LPGAT1: variants seen among roughly 807,000 people sequenced by gnomAD.
The protein encoded by LPGAT1 is lysophosphatidylglycerol acyltransferase 1.
LPGAT1 carries 11 observed loss-of-function variants against 47.5 expected under a neutral mutation model. The observed-to-expected ratio is 0.23, with a 90% CI of 0.15 to 0.38. LPGAT1 has a LOEUF of 0.38. Among genes scored for constraint, LPGAT1 ranks in the 10% least tolerant of loss-of-function variants. LPGAT1 has a pLI of 1.00. For missense variants in LPGAT1, 293 were observed against 439.0 expected, an observed-to-expected ratio of 0.67 and a Z score of 2.97; for synonymous variants, 138 against 144.2, an observed-to-expected ratio of 0.96 and a Z score of 0.31.
At position 211,786,237 on chromosome 1, in the gene LPGAT1, C is replaced by T. The variant is rs544297420; in HGVS notation, c.453+1395G>A. On this transcript the variant is annotated intron_variant, in intron 4 of 7. Transcript: ENST00000366997. ...AAATGAAATGATATAATGTCCAGTACATAAAACTGTCTGGAGTAAAGTACA... is the reference window on the plus strand; with the variant it reads ...AAATGAAATGATATAATGTCCAGTATATAAAACTGTCTGGAGTAAAGTACA... Among the ~76,000 whole-genome samples the T allele has an allele frequency of 1.7e-3, 255 of 152,316 alleles. 1 individual carries two copies. The highest frequency in any genetic ancestry group is 5.8e-3 in the African/African-American group (240 of 41,562).
At chr1:211,766,653 T>A (rs1215808207) in intron 6 of LPGAT1, among the ~76,000 whole-genome samples, 1 of 152,100 alleles carries the variant, frequency 6.6e-6, no homozygotes, top group Non-Finnish European at 1.5e-5. Flanking sequence ...CACTGTGGAG[T>A]ATTGGTTGTT....
chr1:211,762,721 TTAAA>T (rs1268748434), intron 6 of LPGAT1, among the ~76,000 whole-genome samples: 3 of 152,194 alleles, frequency 2.0e-5, no homozygotes, highest in Non-Finnish European at 4.4e-5. Flanking sequence ...GAATGTGCTC[TTAAA>T]TAGAGAATAT....
intron 6 of LPGAT1, among the ~76,000 whole-genome samples, chr1:211,761,543 C>CAG (rs1331385120): frequency 6.6e-6 from 1 of 152,134 alleles, no homozygotes; most frequent in Non-Finnish European, 1.5e-5. Context: ...GAAACCAACA[C>CAG]AGAGGAAAGC....
At chr1:211,787,608 G>A (rs753733283) in intron 4 of LPGAT1, 24 bp downstream of exon 4, 28 of 1,295,950 alleles carry the variant, frequency 2.2e-5, no homozygotes, top group Non-Finnish European at 3.0e-5. Context: ...CTATCACTGC[G>A]GGGAAAAAGT....
intron 2 of LPGAT1, among the ~76,000 whole-genome samples, chr1:211,820,749 A>C (rs1221518738): frequency 6.6e-6 from 1 of 152,196 alleles, no homozygotes; most frequent in Non-Finnish European, 1.5e-5. Context: ...AGGTCTCCAA[A>C]AAGGAAAACC....
intron 6 of LPGAT1, among the ~76,000 whole-genome samples, chr1:211,757,202 C>T (rs953554016): frequency 2.0e-5 from 3 of 150,570 alleles, no homozygotes; most frequent in Non-Finnish European, 4.4e-5. Flanking sequence ...TGCAGTGAGC[C>T]GAGATCGTAC....
At chr1:211,808,217 T>C (rs1397424797) in intron 2 of LPGAT1, among the ~76,000 whole-genome samples, 4 of 151,868 alleles carry the variant, frequency 2.6e-5, no homozygotes, top group African/African-American at 9.7e-5. Context: ...TGGTGGCACA[T>C]GCCTGTAATC....
chr1:211,814,962 G>A (rs550553015), intron 2 of LPGAT1, among the ~76,000 whole-genome samples: 1 of 152,254 alleles, frequency 6.6e-6, no homozygotes, highest in East Asian at 1.9e-4. Context: ...GAAACACTGT[G>A]GACTTCTGTG....
intron 6 of LPGAT1, among the ~76,000 whole-genome samples, chr1:211,751,445 G>A (rs1657178857): frequency 6.6e-6 from 1 of 152,196 alleles, no homozygotes; most frequent in African/African-American, 2.4e-5. Context: ...AAATCAGGAT[G>A]TTCAGTCATT....
At chr1:211,788,402 G>T (rs928354621) in intron 3 of LPGAT1, among the ~76,000 whole-genome samples, 7 of 152,120 alleles carry the variant, frequency 4.6e-5, no homozygotes, top group African/African-American at 1.7e-4. Context: ...AAAACTACAG[G>T]CCAGGCACAG....
intron 2 of LPGAT1, among the ~76,000 whole-genome samples, chr1:211,811,414 T>C (rs996439062): frequency 6.6e-6 from 1 of 152,176 alleles, no homozygotes; most frequent in Non-Finnish European, 1.5e-5. Flanking sequence ...AATGAAGAGC[T>C]GTCGGGAATG....
At chr1:211,829,028 A>T (rs1454893173) in intron 2 of LPGAT1, 31 bp downstream of exon 2, 1 of 1,601,584 alleles carries the variant, frequency 6.2e-7, no homozygotes. Flanking sequence ...ATTTTTTCTT[A>T]TGCATTAAAG....
In LPGAT1 at chr1:211,746,545, TA is replaced by T. The variant is rs1443674717; in HGVS notation, c.*3353del. 6.6e-6 allele frequency: 1 copy of T among 152,206 alleles called. No individual in the cohort carries two copies. The highest frequency in any genetic ancestry group is 1.5e-5 in the Non-Finnish European group (1 of 68,014). 9.4% of individuals were successfully genotyped at this position (152,206 alleles called of 1,614,324 possible). ...TGATGAGAGTAAGAATTCAAACTCCTAAATAAAAGTAATTTTTGATTTACCT... is the reference window on the plus strand; with the variant it reads ...TGATGAGAGTAAGAATTCAAACTCCTAATAAAAGTAATTTTTGATTTACCT... On this transcript the variant is annotated 3_prime_UTR_variant, in exon 8 of 8. Coordinates refer to ENST00000366997, the MANE Select transcript of LPGAT1 (RefSeq NM_014873.3).
At chr1:211,760,953 T>G (rs190404880) in intron 6 of LPGAT1, among the ~76,000 whole-genome samples, 1 of 152,224 alleles carries the variant, frequency 6.6e-6, no homozygotes, top group Non-Finnish European at 1.5e-5. Flanking sequence ...TTTTCTTAAG[T>G]GAAAGGTATT....
chr1:211,792,869 G>A (rs113890550), intron 3 of LPGAT1, among the ~76,000 whole-genome samples: 2,698 of 151,744 alleles, frequency 0.018, 88 homozygotes, highest in African/African-American at 0.061. Flanking sequence ...ACACCACCAC[G>A]CCCAGCTAAT....
At position 211,829,100 on chromosome 1, in the gene LPGAT1, A is replaced by G; in HGVS notation, c.197T>C (p.Leu66Ser). ...CCATCCCCAGGAAGCTACCATTCCT[A>G]AAAGCCATTTATACATGATTCCTTC... ...YIEGIMYKWL[L>S]GMVASWGWYA... The change falls in exon 2 of 8, where the codon TTA (leucine) becomes TCA (serine). Residue 66 changes from leucine (L) to serine (S), a missense_variant. By Grantham distance (145) the Leu-to-Ser change is moderately radical. Coordinates refer to ENST00000366997, the MANE Select transcript of LPGAT1 (RefSeq NM_014873.3). 2 of 1,614,180 alleles carry G rather than the reference A, an allele frequency of 1.2e-6. No individual in the cohort carries two copies. Among genetic ancestry groups the G allele is most frequent in the Non-Finnish European group, 1.7e-6 (2 of 1,180,026 alleles).
chr1:211,814,310 G>A (rs1321801933), intron 2 of LPGAT1, among the ~76,000 whole-genome samples: 1 of 152,230 alleles, frequency 6.6e-6, no homozygotes, highest in African/African-American at 2.4e-5. Context: ...GAGGCAAAGA[G>A]TGGAAACTGG....
Position 211,822,491 on chromosome 1 carries a change from C to T in LPGAT1, c.238+6568G>A, listed in dbSNP as rs1006702960. On this transcript the variant is annotated intron_variant, in intron 2 of 7. Coordinates refer to ENST00000366997, the MANE Select transcript of LPGAT1 (RefSeq NM_014873.3). ...CTCCTGGATTTACGTCAAGATCAGT[C>T]GTCGGCCAGGCGCAGTGACTCACAC... Among the ~76,000 whole-genome samples the T allele has an allele frequency of 3.3e-5, 5 of 152,032 alleles. No homozygotes were observed. In the East Asian group the frequency reaches 5.8e-4, roughly 18 times the overall value.
At chr1:211,759,701 TAG>T (rs1477111623) in intron 6 of LPGAT1, among the ~76,000 whole-genome samples, 5 of 152,356 alleles carry the variant, frequency 3.3e-5, no homozygotes, top group Non-Finnish European at 7.3e-5. Flanking sequence ...CAACTTTTGA[TAG>T]ATAATATTTT....
Sources: allele counts gnomAD v4.1 joint callset (sites outside exome capture counted in the v4.1 genomes callset), GRCh38; gene constraint gnomAD v4.1.1; transcripts MANE v1.5; gene names NCBI Gene and HGNC (gene_info 2026-07-23, HGNC 2026-07-21).